BIN1: variants seen among roughly 807,000 people sequenced by gnomAD.
BIN1 encodes the protein myc box-dependent-interacting protein 1.
A neutral mutation model predicts 82.0 loss-of-function variants in BIN1; 53 were observed. The ratio of observed to expected loss-of-function variants is 0.65; its 90% CI spans 0.52 to 0.81. The LOEUF is 0.81. Ranked by LOEUF, BIN1 falls within the 40% of genes least tolerant of loss-of-function variation. The pLI, the probability that BIN1 is intolerant of heterozygous loss-of-function variation, is 0.00. For missense variants in BIN1, 642 were observed against 784.4 expected (o/e 0.82, Z 2.17); for synonymous variants, 302 against 328.0 (o/e 0.92, Z 0.86).
At chr2:127,054,440 T>G in intron 12 of BIN1, 1 of 244,670 alleles carries the variant, frequency 4.1e-6, no homozygotes, top group Non-Finnish European at 8.2e-6. Flanking sequence ...CTGATCTTGC[T>G]ACCCCCCAGT....
Position 127,050,645 on chromosome 2 carries a change from A to C in BIN1, c.1573-123T>G. 3 of 1,347,660 alleles carry C rather than the reference A, an allele frequency of 2.2e-6. No individual in the cohort carries two copies. The Admixed American group carries it at 5.5e-5, about 25-fold the overall frequency. The allele number at this position is 1,347,660 out of a possible 1,614,324, so 83.5% of individuals were successfully genotyped here. A position where few individuals can be genotyped will look rare whatever the true frequency, so the allele number is the denominator to read the frequency against. ...GAGACCAGGAGTGCTCAAAAGCAGC[A>C]GGACAGTATGGGGCTCAGATGCCAC... is the stretch of plus-strand genomic sequence containing the variant. On this transcript the variant is annotated intron_variant, in intron 17 of 18. Coordinates refer to ENST00000316724, the MANE Select transcript of BIN1 (RefSeq NM_139343.3).
At chr2:127,091,689 G>C (rs1186759034) in intron 1 of BIN1, among the ~76,000 whole-genome samples, 1 of 151,884 alleles carries the variant, frequency 6.6e-6, no homozygotes, top group Non-Finnish European at 1.5e-5. Context: ...AGGAGTTCAA[G>C]ACCAGCCTGG....
intron 1 of BIN1, among the ~76,000 whole-genome samples, chr2:127,098,825 G>A (rs1160950517): frequency 6.6e-6 from 1 of 152,364 alleles, no homozygotes; most frequent in South Asian, 2.1e-4. Context: ...GAGGACCGAG[G>A]CCAAGCCCTA....
At chr2:127,089,372 T>C (rs1223870914) in intron 1 of BIN1, among the ~76,000 whole-genome samples, 1 of 152,092 alleles carries the variant, frequency 6.6e-6, no homozygotes, top group East Asian at 1.9e-4. Flanking sequence ...GTGTACACAC[T>C]TCAGGAGCGC....
intron 4 of BIN1, 124 bp downstream of exon 4, chr2:127,070,428 AG>A: frequency 8.4e-7 from 1 of 1,188,048 alleles, no homozygotes; most frequent in Non-Finnish European, 1.2e-6. Context: ...AGCTTGCCCC[AG>A]GGCACACAGC....
At chr2:127,058,924 C>T in intron 11 of BIN1, 87 bp downstream of exon 11, 1 of 1,526,772 alleles carries the variant, frequency 6.5e-7, no homozygotes, top group African/African-American at 1.4e-5. Flanking sequence ...AGAAAGGGGA[C>T]AGAGGAGTGG....
intron 1 of BIN1, among the ~76,000 whole-genome samples, chr2:127,086,538 C>T (rs1368378400): frequency 2.7e-5 from 4 of 149,982 alleles, no homozygotes; most frequent in Non-Finnish European, 5.9e-5. Flanking sequence ...GACAGAATCT[C>T]GCTCTGTTGC....
chr2:127,072,891 G>A (rs561952146), intron 2 of BIN1, among the ~76,000 whole-genome samples: 1 of 152,276 alleles, frequency 6.6e-6, no homozygotes, highest in South Asian at 2.1e-4. Context: ...GGCTTTGTTG[G>A]TCGAGACGAG....
At chr2:127,087,605 G>C (rs560343495) in intron 1 of BIN1, among the ~76,000 whole-genome samples, 2 of 152,204 alleles carry the variant, frequency 1.3e-5, no homozygotes, top group East Asian at 1.9e-4. Flanking sequence ...AGTGGCCGGC[G>C]GGGCTGGACC....
intron 17 of BIN1, 109 bp downstream of exon 17, chr2:127,050,693 G>A: frequency 7.2e-7 from 1 of 1,384,846 alleles, no homozygotes. Flanking sequence ...GAGTGACCTA[G>A]TAGCGCCTGC....
rs759786484 is a variant in BIN1, at chr2:127,050,432, G to A, written c.1663C>T (p.Pro555Ser). 4 of 1,614,166 alleles carry A rather than the reference G, an allele frequency of 2.5e-6. No individual in the cohort carries two copies. In the South Asian group the frequency reaches 3.3e-5, roughly 13 times the overall value. ...DVVLVIPFQN[P>S]EEQDEGWLMG... Reference sequence around the variant, plus strand: ...CACCCAGCCCTCACCTGCTCTTCAGGGTTCTGGAAGGGGATCACCAGCACC... The same window carrying A: ...CACCCAGCCCTCACCTGCTCTTCAGAGTTCTGGAAGGGGATCACCAGCACC... Residue 555 changes from proline (P) to serine (S), a missense_variant, in exon 18 of 19, where the codon CCT becomes TCT. Physicochemically the swap from Pro to Ser is moderately conservative, Grantham distance 74. Coordinates refer to ENST00000316724, the MANE Select transcript of BIN1 (RefSeq NM_139343.3).
Position 127,051,149 on chromosome 2 carries a change from C to T in BIN1, c.1461+5G>A. ...AAAGGCAGGGCTTTGTCCCTGCTGT[C>T]TTACGGAGGCTGCTTCACTTGCCGC... On this transcript the variant is annotated splice_donor_5th_base_variant and intron_variant, in intron 16 of 18. Coordinates refer to ENST00000316724, the MANE Select transcript of BIN1 (RefSeq NM_139343.3). The T allele has an allele frequency of 6.2e-7, 1 of 1,613,500 alleles. No homozygotes were observed. The highest frequency in any genetic ancestry group is 8.5e-7 in the Non-Finnish European group (1 of 1,179,928).
chr2:127,077,785 C>T, intron 1 of BIN1, among the ~76,000 whole-genome samples: 1 of 152,134 alleles, frequency 6.6e-6, no homozygotes, highest in Non-Finnish European at 1.5e-5. Flanking sequence ...CGGGACACAC[C>T]CGTCTGCAGC....
rs184549641 is a variant in BIN1, at chr2:127,070,142, G to A, written c.316-52C>T. Reference sequence around the variant, plus strand: ...CCACCAGGAGGGCTGGGCCACACCCGCCCCAGCGCTCACCTCGCAGGGACC... The same window carrying A: ...CCACCAGGAGGGCTGGGCCACACCCACCCCAGCGCTCACCTCGCAGGGACC... On this transcript the variant is annotated intron_variant, in intron 4 of 18. Coordinates refer to ENST00000316724, the MANE Select transcript of BIN1 (RefSeq NM_139343.3). 8.9e-4 allele frequency: 1,334 copies of A among 1,500,046 alleles called. 1 individual carries two copies. Among genetic ancestry groups the A allele is most frequent in the Non-Finnish European group, 1.2e-3 (1,278 of 1,082,358 alleles). The allele number at this position is 1,500,046 out of a possible 1,614,324, so 92.9% of individuals were successfully genotyped here. A position where few individuals can be genotyped will look rare whatever the true frequency, so the allele number is the denominator to read the frequency against.
At chr2:127,089,539 G>T (rs1250369390) in intron 1 of BIN1, among the ~76,000 whole-genome samples, 1 of 152,124 alleles carries the variant, frequency 6.6e-6, no homozygotes, top group Non-Finnish European at 1.5e-5. Context: ...AGTTTGCAGT[G>T]CCCAGAGATG....
chr2:127,105,490 C>G (rs1001137256), intron 1 of BIN1, among the ~76,000 whole-genome samples: 2 of 151,500 alleles, frequency 1.3e-5, no homozygotes, highest in African/African-American at 4.8e-5. Flanking sequence ...CCTCCTCCTC[C>G]TCCTCCTCCT....
Position 127,050,887 on chromosome 2 carries a change from TCCA to T in BIN1, c.1484_1486del (p.Val495del). On this transcript the variant is annotated inframe_deletion, in exon 17 of 19. Coordinates refer to ENST00000316724, the MANE Select transcript of BIN1 (RefSeq NM_139343.3). ...GCCATTCACAGTTGCTGGGAAGGTC[TCCA>T]CCACGACAGCAGGAAGAGAGCTCTG... 1 of 1,613,852 alleles carries T rather than the reference TCCA, an allele frequency of 6.2e-7. No individual in the cohort carries two copies. Among genetic ancestry groups the T allele is most frequent in the African/African-American group, 1.3e-5 (1 of 74,986 alleles).
chr2:127,062,352 A>G (rs1332810878), intron 9 of BIN1, among the ~76,000 whole-genome samples, 155 bp from the exon 10 acceptor site: 2 of 152,000 alleles, frequency 1.3e-5, no homozygotes, highest in African/African-American at 4.8e-5. Context: ...AGCACACCAA[A>G]CCCCGAAAAA....
chr2:127,098,959 A>G (rs573278779), intron 1 of BIN1, among the ~76,000 whole-genome samples: 1 of 152,336 alleles, frequency 6.6e-6, no homozygotes, highest in South Asian at 2.1e-4. Context: ...CACAGCCCTG[A>G]GCAGCTGACC....
Sources: allele counts gnomAD v4.1 joint callset (sites outside exome capture counted in the v4.1 genomes callset), GRCh38; gene constraint gnomAD v4.1.1; transcripts MANE v1.5; gene names NCBI Gene and HGNC (gene_info 2026-07-23, HGNC 2026-07-21).